ALCAM: variants seen among roughly 807,000 people sequenced by gnomAD.
ALCAM encodes the protein CD166 antigen.
A neutral mutation model predicts 70.9 loss-of-function variants in ALCAM; 30 were observed. That is an observed-to-expected ratio of 0.42 (90% CI 0.32 to 0.57). ALCAM has a LOEUF of 0.57. Among genes scored for constraint, ALCAM ranks in the 20% least tolerant of loss-of-function variants. The probability of loss-of-function intolerance (pLI) is 0.11; values close to 1 mark genes in which losing one functional copy is unlikely to be tolerated. For missense variants in ALCAM, 591 were observed against 695.1 expected (o/e 0.85, Z 1.68); for synonymous variants, 249 against 242.5 (o/e 1.03, Z -0.25).
At chr3:105,392,892 G>A (rs1344670883) in intron 1 of ALCAM, among the ~76,000 whole-genome samples, 1 of 151,928 alleles carries the variant, frequency 6.6e-6, no homozygotes, top group African/African-American at 2.4e-5. Flanking sequence ...GTGATTTTGA[G>A]TGAGTTTCTT....
intron 8 of ALCAM, 57 bp downstream of exon 8, chr3:105,541,822 T>C (rs1485358195): frequency 6.3e-7 from 1 of 1,584,764 alleles, no homozygotes; most frequent in African/African-American, 1.4e-5. Context: ...AATAGCTTAA[T>C]GTAGCTATCT....
intron 1 of ALCAM, among the ~76,000 whole-genome samples, chr3:105,498,738 A>T (rs954051041): frequency 6.6e-6 from 1 of 152,230 alleles, no homozygotes; most frequent in Middle Eastern, 3.2e-3. Context: ...CTTCAGGGGC[A>T]CATGGTGATC....
At chr3:105,420,586 A>G (rs1438165651) in intron 1 of ALCAM, among the ~76,000 whole-genome samples, 1 of 151,614 alleles carries the variant, frequency 6.6e-6, no homozygotes, top group Non-Finnish European at 1.5e-5. Flanking sequence ...CTTTTGTCAT[A>G]ATATCTTCCT....
Position 105,541,639 on chromosome 3 carries a change from C to T in ALCAM, c.865C>T (p.Pro289Ser). The stretch of plus-strand genomic sequence containing the variant: ...ATTTTGCCTCTATCAAAAGGGACAG[C>T]CCGAAGGAATAAGAAGCTCAAATAC... ...EEFLFYLPGQ[P>S]EGIRSSNTYT... The change falls in exon 8 of 16, where the codon CCC (proline) becomes TCC (serine). Residue 289 changes from proline (P) to serine (S), a missense_variant. Physicochemically the swap from Pro to Ser is moderately conservative, Grantham distance 74 (BLOSUM62 -1). Around this residue, in one of 2 missense-constraint regions of ALCAM, gnomAD observed 427 missense variants for 450.4 expected, o/e 0.95. Coordinates refer to ENST00000306107, the MANE Select transcript of ALCAM (RefSeq NM_001627.4). 3.7e-6 allele frequency: 6 copies of T among 1,611,530 alleles called. No individual in the cohort carries two copies. Among genetic ancestry groups the T allele is most frequent in the Admixed American group, 1.7e-5 (1 of 59,762 alleles).
intron 14 of ALCAM, among the ~76,000 whole-genome samples, chr3:105,560,982 G>A (rs1940618605): frequency 6.6e-6 from 1 of 152,074 alleles, no homozygotes; most frequent in Non-Finnish European, 1.5e-5. Flanking sequence ...AAATGAATTT[G>A]GGTAGATTTG....
chr3:105,548,304 C>G (rs1940302319), intron 11 of ALCAM, among the ~76,000 whole-genome samples: 1 of 151,296 alleles, frequency 6.6e-6, no homozygotes. Flanking sequence ...TGCTGACATA[C>G]TTGCTAATTC....
At chr3:105,537,737 T>C (rs1194089713) in intron 6 of ALCAM, among the ~76,000 whole-genome samples, 1 of 152,146 alleles carries the variant, frequency 6.6e-6, no homozygotes, top group African/African-American at 2.4e-5. Flanking sequence ...CCTATGCTTG[T>C]GTCATATGCA....
chr3:105,464,876 A>G (rs1319425585), intron 1 of ALCAM, among the ~76,000 whole-genome samples: 1 of 151,402 alleles, frequency 6.6e-6, no homozygotes, highest in Non-Finnish European at 1.5e-5. Context: ...GATGCATTCA[A>G]CGGTGTAACC....
At chr3:105,485,377 G>T (rs1318092881) in intron 1 of ALCAM, among the ~76,000 whole-genome samples, 3 of 53,898 alleles carry the variant, frequency 5.6e-5, no homozygotes, top group African/African-American at 9.4e-5. Context: ...GAACTACATT[G>T]TGTGTGTGTG....
chr3:105,494,834 G>GT (rs987430691), intron 1 of ALCAM, among the ~76,000 whole-genome samples: 1 of 151,770 alleles, frequency 6.6e-6, no homozygotes, highest in Non-Finnish European at 1.5e-5. Context: ...TAATCTTTTC[G>GT]TTTTTTTGTA....
intron 1 of ALCAM, among the ~76,000 whole-genome samples, chr3:105,439,972 A>AT (rs1937135997): frequency 6.6e-6 from 1 of 152,236 alleles, no homozygotes; most frequent in African/African-American, 2.4e-5. Context: ...TGTGAATATC[A>AT]TAAAAAGTAA....
chr3:105,470,223 A>G (rs1937887835), intron 1 of ALCAM, among the ~76,000 whole-genome samples: 1 of 150,506 alleles, frequency 6.6e-6, no homozygotes, highest in Admixed American at 6.7e-5. Flanking sequence ...TTATGGGTTT[A>G]ACGTCTGTCT....
intron 7 of ALCAM, 69 bp downstream of exon 7, chr3:105,540,171 A>C: frequency 7.0e-7 from 1 of 1,423,280 alleles, no homozygotes; most frequent in Non-Finnish European, 9.5e-7. Flanking sequence ...CTACATGGAT[A>C]GATTAAGTGA....
chr3:105,517,397 A>G (rs570239063), intron 1 of ALCAM, among the ~76,000 whole-genome samples: 1 of 152,234 alleles, frequency 6.6e-6, no homozygotes, highest in Non-Finnish European at 1.5e-5. Flanking sequence ...CTAGTGTGGT[A>G]TCTTATTTCT....
chr3:105,562,580 A>G (rs1238671330), intron 14 of ALCAM, among the ~76,000 whole-genome samples: 1 of 152,148 alleles, frequency 6.6e-6, no homozygotes, highest in Non-Finnish European at 1.5e-5. Context: ...CATGAGGAAT[A>G]TTGGTCTGTA....
At chr3:105,413,134 A>T (rs1009386872) in intron 1 of ALCAM, among the ~76,000 whole-genome samples, 2 of 152,116 alleles carry the variant, frequency 1.3e-5, no homozygotes, top group African/African-American at 4.8e-5. Context: ...CAGGTTAGTA[A>T]CATCTCTAAG....
At chr3:105,481,338 A>C (rs1193438662) in intron 1 of ALCAM, among the ~76,000 whole-genome samples, 1 of 152,114 alleles carries the variant, frequency 6.6e-6, no homozygotes, top group African/African-American at 2.4e-5. Flanking sequence ...AAGCAGAACC[A>C]GGGGAGACTT....
intron 1 of ALCAM, among the ~76,000 whole-genome samples, chr3:105,471,363 C>T (rs1286498118): frequency 1.3e-5 from 2 of 151,284 alleles, no homozygotes; most frequent in African/African-American, 2.4e-5. Flanking sequence ...CTAAGAACTT[C>T]TTGGTTGTAA....
chr3:105,494,736 G>A (rs780129680), intron 1 of ALCAM, among the ~76,000 whole-genome samples: 19 of 151,290 alleles, frequency 1.3e-4, no homozygotes, highest in Non-Finnish European at 1.6e-4. Context: ...CATAGCCTAC[G>A]ACAGCTTTGA....
Sources: allele counts gnomAD v4.1 joint callset (sites outside exome capture counted in the v4.1 genomes callset), GRCh38; gene constraint gnomAD v4.1.1; regional missense constraint gnomAD v4.1.1; transcripts MANE v1.5; gene names NCBI Gene and HGNC (gene_info 2026-07-23, HGNC 2026-07-21).